The following PTPN4 variants were observed in gnomAD, a reference collection of about 807,000 sequenced individuals.
PTPN4 encodes the protein tyrosine-protein phosphatase non-receptor type 4.
Under a neutral mutation model 135.5 loss-of-function variants are expected in PTPN4, and 49 were observed. That is an observed-to-expected ratio of 0.36 (90% CI 0.29 to 0.46). The LOEUF is 0.46. PTPN4 is among the 20% of genes least tolerant of loss of function. The pLI, the probability that PTPN4 is intolerant of heterozygous loss-of-function variation, is 1.00. For missense variants in PTPN4, 860 were observed against 1,101.0 expected (o/e 0.78, Z 3.10); for synonymous variants, 333 against 369.9 (o/e 0.90, Z 1.14).
chr2:119,798,123 C>T (rs1691295463), intron 1 of PTPN4, among the ~76,000 whole-genome samples: 1 of 151,276 alleles, frequency 6.6e-6, no homozygotes, highest in African/African-American at 2.4e-5. Flanking sequence ...CTCTTTCCTA[C>T]TGTCAGCAGC....
chr2:119,843,556 G>T lies in PTPN4; in HGVS notation c.139-18980G>T, dbSNP rs1677416759. ...GGGCAGAGGGGCTCCTCACTTCCCAGTAGGGGCGGCCGGGCAGAGGCGCCC... is the reference window on the plus strand; with the variant it reads ...GGGCAGAGGGGCTCCTCACTTCCCATTAGGGGCGGCCGGGCAGAGGCGCCC... On this transcript the variant is annotated intron_variant, in intron 2 of 26. Coordinates refer to ENST00000263708, the MANE Select transcript of PTPN4 (RefSeq NM_002830.4). 2.6e-5 allele frequency among the ~76,000 whole-genome samples: 3 copies of T among 113,888 alleles called. No individual in the cohort carries two copies. In the South Asian group the frequency reaches 1.0e-3, roughly 39 times the overall value. 74.7% of individuals were successfully genotyped at this position (113,888 alleles called of 152,430 possible).
chr2:119,822,061 A>C (rs771488533), intron 2 of PTPN4, among the ~76,000 whole-genome samples: 1 of 151,840 alleles, frequency 6.6e-6, no homozygotes, highest in South Asian at 2.1e-4. Flanking sequence ...GCTTTCCACT[A>C]TGCTTGATGT....
At chr2:119,964,542 G>A (rs1035916561) in intron 24 of PTPN4, among the ~76,000 whole-genome samples, 6 of 152,068 alleles carry the variant, frequency 3.9e-5, no homozygotes, top group African/African-American at 1.4e-4. Flanking sequence ...CACAAAAAAT[G>A]TTTTTTACTT....
At chr2:119,914,767 C>T (rs982455479) in intron 10 of PTPN4, among the ~76,000 whole-genome samples, 5 of 151,870 alleles carry the variant, frequency 3.3e-5, no homozygotes, top group Admixed American at 6.6e-5. Context: ...ATGTGGGTTG[C>T]GTTTAAGAAG....
At chr2:119,843,748 G>A (rs1373432953) in intron 2 of PTPN4, among the ~76,000 whole-genome samples, 1 of 52,728 alleles carries the variant, frequency 1.9e-5, no homozygotes, top group African/African-American at 9.2e-5. Context: ...CGGGCGGGGG[G>A]GCTGACTCCC....
chr2:119,818,283 C>A (rs2104953934), intron 2 of PTPN4, among the ~76,000 whole-genome samples: 1 of 152,270 alleles, frequency 6.6e-6, no homozygotes, highest in Non-Finnish European at 1.5e-5. Context: ...ACTGTCTTGT[C>A]TCTTGATTGT....
intron 19 of PTPN4, among the ~76,000 whole-genome samples, chr2:119,953,906 T>G (rs1179103263): frequency 6.6e-6 from 1 of 152,186 alleles, no homozygotes; most frequent in East Asian, 1.9e-4. Flanking sequence ...TCTCATCCTT[T>G]TGCTTTATAG....
intron 2 of PTPN4, among the ~76,000 whole-genome samples, chr2:119,822,760 T>C (rs778812584): frequency 6.6e-5 from 10 of 152,146 alleles, no homozygotes; most frequent in East Asian, 1.9e-4. Flanking sequence ...CTCAAATTAG[T>C]GGGCTTTCAG....
intron 2 of PTPN4, among the ~76,000 whole-genome samples, chr2:119,825,981 A>G (rs930438507): frequency 1.3e-5 from 2 of 152,254 alleles, no homozygotes; most frequent in African/African-American, 4.8e-5. Flanking sequence ...TTTGTTGAAC[A>G]TAAGAATATA....
chr2:119,840,549 AG>A (rs1224668639), intron 2 of PTPN4, among the ~76,000 whole-genome samples: 1 of 152,212 alleles, frequency 6.6e-6, no homozygotes, highest in Admixed American at 6.5e-5. Context: ...TGATGAACAT[AG>A]GCATCCATGT....
intron 2 of PTPN4, among the ~76,000 whole-genome samples, chr2:119,821,887 A>C (rs999455241): frequency 6.6e-6 from 1 of 152,172 alleles, no homozygotes; most frequent in African/African-American, 2.4e-5. Context: ...CCTTCTATTA[A>C]TATTGCTGAT....
At chr2:119,817,331 C>CT (rs761567002) in intron 2 of PTPN4, among the ~76,000 whole-genome samples, 3,583 of 138,630 alleles carry the variant, frequency 0.026, 127 homozygotes, top group African/African-American at 0.083. Flanking sequence ...TTCCCCATTG[C>CT]TTTTTTTTTT....
chr2:119,867,484 T>G (rs1031816545), intron 3 of PTPN4, among the ~76,000 whole-genome samples: 3 of 152,168 alleles, frequency 2.0e-5, no homozygotes, highest in Non-Finnish European at 4.4e-5. Context: ...TTTGGCAACT[T>G]GGTAAATAGA....
Position 119,844,353 on chromosome 2 carries a change from C to A in PTPN4, c.139-18183C>A, listed in dbSNP as rs1276451238. Among the ~76,000 whole-genome samples, 38 of 59,168 alleles carry A rather than the reference C, an allele frequency of 6.4e-4. 1 individual carries two copies. The highest frequency in any genetic ancestry group is 5.4e-3 in the Admixed American group (37 of 6,898). 38.8% of individuals were successfully genotyped at this position (59,168 alleles called of 152,430 possible). ...GGCTGGCCGGGCGGGGGGCTGACCC[C>A]CCCCCCCCACCTCCCTCCCGGACGG... is the stretch of plus-strand genomic sequence containing the variant. On this transcript the variant is annotated intron_variant, in intron 2 of 26. Transcript: ENST00000263708.
intron 1 of PTPN4, among the ~76,000 whole-genome samples, chr2:119,791,703 C>T (rs542628961): frequency 6.6e-5 from 10 of 152,180 alleles, no homozygotes; most frequent in South Asian, 2.1e-4. Flanking sequence ...TTTCTTTTTG[C>T]GCTGGAGATT....
intron 26 of PTPN4, 117 bp downstream of exon 26, chr2:119,968,089 C>CA (rs1679471314): frequency 1.1e-6 from 1 of 882,820 alleles, no homozygotes; most frequent in Non-Finnish European, 1.6e-6. Context: ...TTGCCATGGT[C>CA]AAATAACCTC....
intron 2 of PTPN4, among the ~76,000 whole-genome samples, chr2:119,849,756 T>C (rs566760899): frequency 1.6e-3 from 247 of 152,358 alleles, no homozygotes; most frequent in Non-Finnish European, 2.8e-3. Flanking sequence ...GCATTAGGCA[T>C]TCTCACAGTC....
chr2:119,777,925 G>A (rs1461147298), intron 1 of PTPN4, among the ~76,000 whole-genome samples: 1 of 152,066 alleles, frequency 6.6e-6, no homozygotes, highest in Non-Finnish European at 1.5e-5. Flanking sequence ...CAAAGTGCTG[G>A]GATTATAGAT....
intron 2 of PTPN4, among the ~76,000 whole-genome samples, chr2:119,840,720 C>T (rs1364222620): frequency 2.0e-5 from 3 of 152,186 alleles, no homozygotes; most frequent in Non-Finnish European, 4.4e-5. Context: ...GTAAATAAAA[C>T]ATTCCTTTTT....
Sources: gnomAD v4.1 joint callset for allele counts (sites outside exome capture counted in the v4.1 genomes callset) on GRCh38, gnomAD v4.1.1 for gene constraint, MANE v1.5 for transcripts, NCBI Gene and HGNC (gene_info 2026-07-23, HGNC 2026-07-21) for gene names.